The following CFAP161 variants were observed in gnomAD, a reference collection of about 807,000 sequenced individuals.
CFAP161 encodes the protein cilia- and flagella-associated protein 161.
A neutral mutation model predicts 29.0 loss-of-function variants in CFAP161; 25 were observed. The ratio of observed to expected loss-of-function variants is 0.86; its 90% CI spans 0.63 to 1.20. The LOEUF is 1.20. Among genes scored for constraint, CFAP161 ranks in the 50% most tolerant of loss-of-function variants. The probability of loss-of-function intolerance (pLI) is 0.00; values close to 1 mark genes in which losing one functional copy is unlikely to be tolerated. For missense variants in CFAP161, 367 were observed against 371.9 expected (o/e 0.99, Z 0.11); for synonymous variants, 116 against 137.4 (o/e 0.84, Z 1.09).
rs138615980 is a variant in CFAP161, at chr15:81,137,049, G to A, written c.392+301G>A. Among the ~76,000 whole-genome samples, 1,171 of 151,576 alleles carry A rather than the reference G, an allele frequency of 7.7e-3. 22 individuals carry two copies. Among genetic ancestry groups the A allele is most frequent in the South Asian group, 0.07 (337 of 4,800 alleles). ...AGTAGGTTTTCCCTATAACATTTTG[G>A]AACTTTTTGAGCTCATTTGAGTGTT... On this transcript the variant is annotated intron_variant, in intron 3 of 6. Coordinates refer to ENST00000286732, the MANE Select transcript of CFAP161 (RefSeq NM_173528.4).
intron 1 of CFAP161, among the ~76,000 whole-genome samples, chr15:81,118,987 T>C (rs1179950362): frequency 6.6e-6 from 1 of 152,252 alleles, no homozygotes; most frequent in African/African-American, 2.4e-5. Flanking sequence ...AACATTATTT[T>C]TATCAATTGC....
At chr15:81,125,788 C>T (rs1894633045) in intron 1 of CFAP161, among the ~76,000 whole-genome samples, 1 of 152,160 alleles carries the variant, frequency 6.6e-6, no homozygotes, top group South Asian at 2.1e-4. Flanking sequence ...TATACACACT[C>T]AAATAAAAAT....
intron 1 of CFAP161, among the ~76,000 whole-genome samples, chr15:81,111,815 T>A (rs946901757): frequency 5.3e-5 from 8 of 152,248 alleles, no homozygotes; most frequent in Non-Finnish European, 2.9e-5. Context: ...TTATGTCATT[T>A]AAGTTTCAAA....
chr15:81,117,322 A>G (rs1367382501), intron 1 of CFAP161, among the ~76,000 whole-genome samples: 9 of 152,158 alleles, frequency 5.9e-5, no homozygotes, highest in Non-Finnish European at 4.4e-5. Flanking sequence ...ATCTCAGTGT[A>G]ATTGGTAGCC....
chr15:81,105,448 C>A (rs1190350158), intron 1 of CFAP161, among the ~76,000 whole-genome samples: 1 of 150,210 alleles, frequency 6.7e-6, no homozygotes, highest in Non-Finnish European at 1.5e-5. Flanking sequence ...GACGGGGTCT[C>A]ACTGTGTCAC....
chr15:81,127,608 G>T (rs1215380983), exon 2 of CFAP161: 4 of 150,538 alleles, frequency 2.7e-5, no homozygotes, highest in African/African-American at 9.8e-5. Context: ...ATCTAAATCA[G>T]ATCCCAAATA....
chr15:81,135,764 C>T (rs890135033), intron 2 of CFAP161, among the ~76,000 whole-genome samples: 1 of 152,048 alleles, frequency 6.6e-6, no homozygotes, highest in East Asian at 1.9e-4. Flanking sequence ...TCCAGTCTAT[C>T]GTTGTTGGAC....
rs1894533591 is a variant in CFAP161, at chr15:81,118,760, G to C, written c.-141-8830G>C. ...CTGAGGCCCGCCCCAAACCACCCAA[G>C]AGAGAATGTATTTTTATTGAACTTA... is the stretch of plus-strand genomic sequence containing the variant. On this transcript the variant is annotated intron_variant, in intron 1 of 4. Transcript: ENST00000560091. Among the ~76,000 whole-genome samples the C allele has an allele frequency of 1.3e-5, 2 of 152,238 alleles. 1 individual carries two copies. Among genetic ancestry groups the C allele is most frequent in the South Asian group, 4.1e-4 (2 of 4,834 alleles).
chr15:81,133,304 C>G (rs185875699), upstream of CFAP161, among the ~76,000 whole-genome samples: 985 of 149,606 alleles, frequency 6.6e-3, 4 homozygotes, highest in Admixed American at 0.011. Context: ...AGTGATCCTC[C>G]TGCCTCGGCT....
At chr15:81,122,908 C>T (rs200328111) in intron 1 of CFAP161, among the ~76,000 whole-genome samples, 1 of 151,942 alleles carries the variant, frequency 6.6e-6, no homozygotes, top group African/African-American at 2.4e-5. Context: ...TGTAAGTTCT[C>T]GATTAAGTTC....
At position 81,136,617 on chromosome 15, in the gene CFAP161, T is replaced by C. The variant is rs1894814107; in HGVS notation, c.261T>C (p.Arg87=). The C allele has an allele frequency of 1.2e-6, 2 of 1,614,088 alleles. No homozygotes were observed. Among genetic ancestry groups the C allele is most frequent in the South Asian group, 2.2e-5 (2 of 91,090 alleles). Residue 87 remains arginine, a synonymous_variant, in exon 3 of 7, where the codon CGT becomes CGC. Coordinates refer to ENST00000286732, the MANE Select transcript of CFAP161 (RefSeq NM_173528.4). ...DPDTEADVFL[R]GDLSLCMTPD... Reference sequence around the variant, plus strand: ...ACACAGAAGCTGATGTGTTTCTGCGTGGGGACCTGAGCCTGTGTATGACTC... The same window carrying C: ...ACACAGAAGCTGATGTGTTTCTGCGCGGGGACCTGAGCCTGTGTATGACTC...
intron 1 of CFAP161, among the ~76,000 whole-genome samples, chr15:81,115,007 TA>T (rs2141865153): frequency 6.6e-6 from 1 of 152,290 alleles, no homozygotes; most frequent in Admixed American, 6.5e-5. Flanking sequence ...TATCCTTGGC[TA>T]AAAAGATCGA....
chr15:81,129,295 G>A (rs776412200), upstream of CFAP161, among the ~76,000 whole-genome samples: 5 of 152,060 alleles, frequency 3.3e-5, no homozygotes, highest in Non-Finnish European at 7.4e-5. Context: ...GGGACCTAGT[G>A]TATTATTTTG....
At chr15:81,105,416 CCTTCT>C (rs1894360967) in intron 1 of CFAP161, among the ~76,000 whole-genome samples, 1 of 148,598 alleles carries the variant, frequency 6.7e-6, no homozygotes, top group Non-Finnish European at 1.5e-5. Context: ...TTCCCTCACT[CCTTCT>C]CTTCTTTCTT....
chr15:81,112,998 T>C (rs1323727593), intron 1 of CFAP161, among the ~76,000 whole-genome samples: 1 of 152,230 alleles, frequency 6.6e-6, no homozygotes. Flanking sequence ...TTGAGGAATG[T>C]AAATTTAAAA....
intron 1 of CFAP161, among the ~76,000 whole-genome samples, chr15:81,104,104 A>G (rs1466044358): frequency 6.6e-6 from 1 of 152,250 alleles, no homozygotes; most frequent in Non-Finnish European, 1.5e-5. Context: ...GACAGAGCTA[A>G]TAAGTGATGG....
chr15:81,103,011 A>G (rs1894320521), intron 1 of CFAP161, among the ~76,000 whole-genome samples: 2 of 152,154 alleles, frequency 1.3e-5, no homozygotes, highest in South Asian at 2.1e-4. Context: ...TGAAAGACCA[A>G]ATATCTTAGC....
At chr15:81,129,692 G>A (rs1894684313), upstream of CFAP161, among the ~76,000 whole-genome samples, 1 of 152,156 alleles carries the variant, frequency 6.6e-6, no homozygotes, top group East Asian at 1.9e-4. Context: ...GGGTGCATTA[G>A]CCACTAACAA....
chr15:81,100,915 C>T (rs1391035016), intron 1 of CFAP161, among the ~76,000 whole-genome samples: 1 of 152,186 alleles, frequency 6.6e-6, no homozygotes, highest in East Asian at 1.9e-4. Flanking sequence ...TCTCATTTTC[C>T]TCCAGGTAGA....
Sources: allele counts gnomAD v4.1 joint callset (sites outside exome capture counted in the v4.1 genomes callset), GRCh38; gene constraint gnomAD v4.1.1; transcripts MANE v1.5; gene names NCBI Gene and HGNC (gene_info 2026-07-23, HGNC 2026-07-21).